IFTAP: variants seen among roughly 807,000 people sequenced by gnomAD.
IFTAP encodes intraflagellar transport-associated protein.
IFTAP carries 19 observed loss-of-function variants against 19.4 expected under a neutral mutation model. The observed-to-expected ratio is 0.98, with a 90% CI of 0.68 to 1.44. IFTAP has a LOEUF of 1.44. Ranked by LOEUF, IFTAP falls within the 40% of genes most tolerant of loss-of-function variation. IFTAP has a pLI of 0.00. For missense variants in IFTAP, 240 were observed against 253.6 expected (o/e 0.95, Z 0.36); for synonymous variants, 85 against 83.5 (o/e 1.02, Z -0.10).
At chr11:36,654,820 C>G (rs1853908354) in intron 5 of IFTAP, among the ~76,000 whole-genome samples, 1 of 152,072 alleles carries the variant, frequency 6.6e-6, no homozygotes, top group Admixed American at 6.6e-5. Flanking sequence ...TTTCAAATCT[C>G]TGCTACCAGT....
chr11:36,625,750 G>A (rs1485268413), intron 2 of IFTAP, among the ~76,000 whole-genome samples: 2 of 152,162 alleles, frequency 1.3e-5, no homozygotes, highest in Non-Finnish European at 2.9e-5. Flanking sequence ...TTGTATTCTA[G>A]AAAGGGGGAA....
At chr11:36,596,007 CTG>C (rs1333461249) in intron 1 of IFTAP, among the ~76,000 whole-genome samples, 2 of 152,146 alleles carry the variant, frequency 1.3e-5, no homozygotes, top group Admixed American at 6.5e-5. Context: ...CTTTGTCTAA[CTG>C]GGGATAATCT....
At chr11:36,638,884 T>C (rs1853075923) in intron 4 of IFTAP, among the ~76,000 whole-genome samples, 2 of 152,344 alleles carry the variant, frequency 1.3e-5, no homozygotes, top group South Asian at 4.1e-4. Context: ...ATTTGTTTTA[T>C]CACTTGGCAG....
chr11:36,623,280 A>G (rs1180287965), intron 2 of IFTAP, among the ~76,000 whole-genome samples: 9 of 151,818 alleles, frequency 5.9e-5, no homozygotes, highest in African/African-American at 1.9e-4. Context: ...TGAATTTTTC[A>G]ACACTTTTTG....
rs139056876 is a variant in IFTAP, at chr11:36,612,561, C to T, written c.136+2322C>T. The stretch of plus-strand genomic sequence containing the variant: ...TGTATTTCCAAAATTCCTATTTTCC[C>T]TGCTTCTTTCCAGGCCCTTCATTTG... On this transcript the variant is annotated intron_variant, in intron 2 of 5. Coordinates refer to ENST00000334307, the MANE Select transcript of IFTAP (RefSeq NM_138787.4). Among the ~76,000 whole-genome samples, 333 of 152,088 alleles carry T rather than the reference C, an allele frequency of 2.2e-3. 1 individual carries two copies. The highest frequency in any genetic ancestry group is 7.5e-3 in the African/African-American group (312 of 41,524).
At chr11:36,646,118 C>T (rs1853471706) in intron 4 of IFTAP, among the ~76,000 whole-genome samples, 2 of 152,122 alleles carry the variant, frequency 1.3e-5, no homozygotes, top group Non-Finnish European at 2.9e-5. Context: ...TGTTGAAAAT[C>T]CTACCTTGGC....
chr11:36,616,466 A>G (rs1483281123), intron 2 of IFTAP, among the ~76,000 whole-genome samples: 1 of 151,824 alleles, frequency 6.6e-6, no homozygotes, highest in African/African-American at 2.4e-5. Context: ...TGACTTTCCT[A>G]TTAGGTAGAA....
intron 2 of IFTAP, 98 bp from the exon 3 acceptor site, chr11:36,633,186 T>C: frequency 8.6e-7 from 1 of 1,164,144 alleles, no homozygotes; most frequent in Non-Finnish European, 1.2e-6. Context: ...CTTTGAAAAG[T>C]ATTCTTTTTC....
chr11:36,628,634 C>T lies in IFTAP; in HGVS notation c.137-4650C>T, dbSNP rs11821254. ...TATAACTTTTGGATTGAATGAGCTC[C>T]GTAACTCAGCCACCACACAGAATTT... On this transcript the variant is annotated intron_variant, in intron 2 of 5. Coordinates refer to ENST00000334307, the MANE Select transcript of IFTAP (RefSeq NM_138787.4). Among the ~76,000 whole-genome samples the T allele has an allele frequency of 5.2e-3, 791 of 151,274 alleles. 40 individuals are homozygous for T. The highest frequency in any genetic ancestry group is 0.018 in the African/African-American group (747 of 40,656).
chr11:36,656,018 T>C (rs1590240716), intron 5 of IFTAP, among the ~76,000 whole-genome samples: 1 of 152,242 alleles, frequency 6.6e-6, no homozygotes, highest in Middle Eastern at 3.4e-3. Context: ...TAAGAATAAA[T>C]TTCTACATCT....
chr11:36,649,496 C>T (rs1590234251), intron 5 of IFTAP, among the ~76,000 whole-genome samples: 1 of 151,970 alleles, frequency 6.6e-6, no homozygotes, highest in Non-Finnish European at 1.5e-5. Flanking sequence ...ATTGGACCAG[C>T]CAGTAGACAT....
chr11:36,611,222 G>A (rs183224971), intron 2 of IFTAP, among the ~76,000 whole-genome samples: 1 of 152,162 alleles, frequency 6.6e-6, no homozygotes, highest in African/African-American at 2.4e-5. Context: ...GCTTCAGATT[G>A]CCATCAGCTT....
chr11:36,651,935 A>G (rs562736124), intron 5 of IFTAP, among the ~76,000 whole-genome samples: 1 of 152,122 alleles, frequency 6.6e-6, no homozygotes, highest in Non-Finnish European at 1.5e-5. Context: ...TACCAGTACT[A>G]TGCTGTTTTG....
intron 5 of IFTAP, among the ~76,000 whole-genome samples, chr11:36,654,068 G>A (rs768183666): frequency 4.6e-5 from 7 of 152,088 alleles, no homozygotes; most frequent in Non-Finnish European, 8.8e-5. Flanking sequence ...GTTACTGTCT[G>A]TTCTTATGTC....
chr11:36,604,376 G>T (rs770120354), intron 1 of IFTAP, among the ~76,000 whole-genome samples: 6 of 152,208 alleles, frequency 3.9e-5, no homozygotes, highest in Non-Finnish European at 7.3e-5. Flanking sequence ...CTCATAACTT[G>T]AAGTGCAGCG....
At chr11:36,633,523 A>T in intron 3 of IFTAP, 85 bp downstream of exon 3, 3 of 1,078,402 alleles carry the variant, frequency 2.8e-6, no homozygotes, top group Non-Finnish European at 3.7e-6. Context: ...CCTACTAAAC[A>T]CTAGACAGTT....
intron 5 of IFTAP, among the ~76,000 whole-genome samples, chr11:36,648,995 A>G (rs1445544608): frequency 1.3e-5 from 2 of 152,154 alleles, no homozygotes; most frequent in East Asian, 1.9e-4. Context: ...ATAAACATGT[A>G]TCAATAGAGA....
At chr11:36,596,665 C>A (rs534121134) in intron 1 of IFTAP, among the ~76,000 whole-genome samples, 1 of 152,270 alleles carries the variant, frequency 6.6e-6, no homozygotes, top group African/African-American at 2.4e-5. Flanking sequence ...GGGGGGAACA[C>A]CAAAGCCAAG....
At chr11:36,641,872 G>T (rs1286962940) in intron 4 of IFTAP, among the ~76,000 whole-genome samples, 1 of 152,044 alleles carries the variant, frequency 6.6e-6, no homozygotes, top group Non-Finnish European at 1.5e-5. Flanking sequence ...TTGACAGTGG[G>T]GTGTTAAAGT....
Sources: gnomAD v4.1 joint callset for allele counts (sites outside exome capture counted in the v4.1 genomes callset) on GRCh38, gnomAD v4.1.1 for gene constraint, MANE v1.5 for transcripts, NCBI Gene and HGNC (gene_info 2026-07-23, HGNC 2026-07-21) for gene names.